EXD3: variants seen among roughly 807,000 people sequenced by gnomAD.
EXD3 encodes the protein exonuclease 3'-5' domain containing 3, also known as exonuclease mut-7 homolog.
In EXD3, 92 loss-of-function variants were observed where a neutral mutation model predicts 98.0. The ratio of observed to expected loss-of-function variants is 0.94; its 90% CI spans 0.79 to 1.12. EXD3 has a LOEUF of 1.12. EXD3 is among the 50% of genes most tolerant of loss of function. The pLI is 0.00. For missense variants in EXD3, 1,222 were observed against 1,191.6 expected (o/e 1.03, Z -0.38); for synonymous variants, 569 against 526.0 (o/e 1.08, Z -1.12).
chr9:137,354,552 C>T (rs1197958206), intron 9 of EXD3, 148 bp downstream of exon 9: 5 of 1,536,820 alleles, frequency 3.3e-6, no homozygotes, highest in Non-Finnish European at 4.4e-6. Context: ...TTCACCCAGG[C>T]CTGGCCCAGC....
intron 17 of EXD3, among the ~76,000 whole-genome samples, chr9:137,330,342 C>G (rs1000125264): frequency 2.4e-5 from 3 of 127,018 alleles, no homozygotes; most frequent in South Asian, 2.7e-4. Context: ...CTACACAGGA[C>G]TACACAGGAC....
At chr9:137,335,114 A>G (rs1186053163) in intron 17 of EXD3, among the ~76,000 whole-genome samples, 1 of 152,008 alleles carries the variant, frequency 6.6e-6, no homozygotes, top group African/African-American at 2.4e-5. Context: ...AAAAACAAAT[A>G]GCCCACAGAA....
chr9:137,396,585 C>T (rs754812599), intron 1 of EXD3, among the ~76,000 whole-genome samples: 9 of 152,168 alleles, frequency 5.9e-5, no homozygotes, highest in East Asian at 1.9e-4. Flanking sequence ...CTGACAGCTC[C>T]GCCCAGGCAG....
At chr9:137,342,910 G>T (rs772984144) in intron 17 of EXD3, among the ~76,000 whole-genome samples, 13 of 152,090 alleles carry the variant, frequency 8.5e-5, no homozygotes, top group Non-Finnish European at 1.9e-4. Context: ...TTACAAGGTC[G>T]GGAGATCGAG....
Position 137,391,946 on chromosome 9 carries a change from T to C in EXD3, c.55+3357A>G, listed in dbSNP as rs577699991. 3.9e-5 allele frequency: 6 copies of C among 152,350 alleles called. No individual in the cohort carries two copies. The East Asian group carries it at 1.2e-3, about 29-fold the overall frequency. 9.4% of individuals were successfully genotyped at this position (152,350 alleles called of 1,614,324 possible). A position where few individuals can be genotyped will look rare whatever the true frequency, so the allele number is the denominator to read the frequency against. On this transcript the variant is annotated intron_variant, in intron 2 of 21. Coordinates refer to ENST00000340951, the MANE Select transcript of EXD3 (RefSeq NM_017820.5). ...TTCTACTGCCTCCAAGCCATTCTCC[T>C]GCCTCAGCCTCCCCAGTAGCTGGGA...
intron 2 of EXD3, among the ~76,000 whole-genome samples, chr9:137,389,806 T>C (rs1836795446): frequency 6.6e-6 from 1 of 152,028 alleles, no homozygotes; most frequent in African/African-American, 2.4e-5. Flanking sequence ...ACAGAAATAT[T>C]GGAAGATGAA....
intron 2 of EXD3, among the ~76,000 whole-genome samples, chr9:137,389,778 G>A (rs996066653): frequency 3.9e-5 from 6 of 152,144 alleles, no homozygotes; most frequent in African/African-American, 1.4e-4. Context: ...ATCTGCTGAA[G>A]AAAAGATCCT....
At chr9:137,367,905 C>A in intron 6 of EXD3, 31 bp downstream of exon 6, 1 of 1,607,574 alleles carries the variant, frequency 6.2e-7, no homozygotes, top group Non-Finnish European at 8.5e-7. Flanking sequence ...CAAGTTTGAA[C>A]CTAAACAATT....
intron 10 of EXD3, chr9:137,354,097 G>A: frequency 7.9e-7 from 1 of 1,263,324 alleles, no homozygotes; most frequent in Non-Finnish European, 1.0e-6. Flanking sequence ...CACGGACGCT[G>A]CCGTCTGCCT....
At chr9:137,377,233 G>C (rs2131698477) in intron 3 of EXD3, 1 of 152,298 alleles carries the variant, frequency 6.6e-6, no homozygotes, top group Admixed American at 6.5e-5. Context: ...CCGATGGCTT[G>C]AGCTCAGGAG....
At chr9:137,355,490 G>GGGAGGAAGGAGA (rs1564508255) in intron 8 of EXD3, among the ~76,000 whole-genome samples, 2 of 27,882 alleles carry the variant, frequency 7.2e-5, no homozygotes, top group Admixed American at 3.5e-4. Flanking sequence ...GAGGAAGGAG[G>GGGAGGAAGGAGA]ATGGAGGAAG....
intron 19 of EXD3, among the ~76,000 whole-genome samples, chr9:137,311,394 C>T (rs190636446): frequency 1.3e-5 from 2 of 152,364 alleles, no homozygotes; most frequent in African/African-American, 4.8e-5. Flanking sequence ...GCCCCACTCT[C>T]CACTGTGCAG....
chr9:137,353,600 G>A (rs1005215573), intron 10 of EXD3: 207 of 985,754 alleles, frequency 2.1e-4, no homozygotes, highest in South Asian at 2.3e-4. Flanking sequence ...CTCCCACCCC[G>A]CAGCCACCGT....
At chr9:137,406,011 G>T (rs1259212478) in intron 1 of EXD3, among the ~76,000 whole-genome samples, 4 of 152,126 alleles carry the variant, frequency 2.6e-5, no homozygotes, top group Non-Finnish European at 4.4e-5. Flanking sequence ...CTTGAGCTCA[G>T]GAGTTTGAGA....
Position 137,330,129 on chromosome 9 carries a change from GCTACACAGGAA to G in EXD3, c.1999-5997_1999-5987del, listed in dbSNP as rs1206007862. On this transcript the variant is annotated intron_variant, in intron 17 of 21. Coordinates refer to ENST00000340951, the MANE Select transcript of EXD3 (RefSeq NM_017820.5). ...GGAGCTACACAGGAGCTACACAGGAGCTACACAGGAACTACACCGGAGCTACACAGGACTAC... is the reference window on the plus strand; with the variant it reads ...GGAGCTACACAGGAGCTACACAGGAGCTACACCGGAGCTACACAGGACTAC... Among the ~76,000 whole-genome samples the G allele has an allele frequency of 2.9e-4, 21 of 72,006 alleles. 2 individuals are homozygous for G. The highest frequency in any genetic ancestry group is 1.5e-3 in the Admixed American group (11 of 7,242). 47.2% of individuals were successfully genotyped at this position (72,006 alleles called of 152,430 possible).
Position 137,325,868 on chromosome 9 carries a change from T to C in EXD3, c.1999-1725A>G, listed in dbSNP as rs539297003. 3.3e-4 allele frequency among the ~76,000 whole-genome samples: 50 copies of C among 152,124 alleles called. 1 individual carries two copies. The Middle Eastern group carries it at 0.01, about 31-fold the overall frequency. On this transcript the variant is annotated intron_variant, in intron 17 of 21. Coordinates refer to ENST00000340951, the MANE Select transcript of EXD3 (RefSeq NM_017820.5). The stretch of plus-strand genomic sequence containing the variant: ...ACTTTGGGAGGCTGCGATGGGTAGA[T>C]TGCTTGAGTCCAGGAGTCCTAGACC...
At position 137,371,541 on chromosome 9, in the gene EXD3, C is replaced by A. The variant is rs146233780; in HGVS notation, c.462+1364G>T. On this transcript the variant is annotated intron_variant, in intron 5 of 21. Transcript: ENST00000340951. The surrounding 1 kb of genome is among the most constrained non-coding windows in gnomAD (Gnocchi z 8.0). ...ACGGCGTCTCAGCAGCAGGGTCCCA[C>A]GTGGGCAGGCAGCGGGGTGGTGGCC... is the stretch of plus-strand genomic sequence containing the variant. Among the ~76,000 whole-genome samples, 1 of 152,062 alleles carries A rather than the reference C, an allele frequency of 6.6e-6. No individual in the cohort carries two copies. The highest frequency in any genetic ancestry group is 1.5e-5 in the Non-Finnish European group (1 of 67,968).
intron 1 of EXD3, among the ~76,000 whole-genome samples, chr9:137,402,107 T>C (rs10115140): frequency 0.31 from 47,068 of 151,704 alleles, 7,399 homozygotes; most frequent in East Asian, 0.33. Context: ...CCTCTGCCTT[T>C]CTGGTTCAAG....
chr9:137,383,753 C>G (rs1279754274), intron 2 of EXD3, among the ~76,000 whole-genome samples: 4 of 152,350 alleles, frequency 2.6e-5, no homozygotes, highest in African/African-American at 9.6e-5. Context: ...CTCACCCAAA[C>G]CCTGCACCGC....
Sources: gnomAD v4.1 joint callset for allele counts (sites outside exome capture counted in the v4.1 genomes callset) on GRCh38, gnomAD v4.1.1 for gene constraint, Gnocchi (gnomAD v3.1) non-coding constraint, MANE v1.5 for transcripts, NCBI Gene and HGNC (gene_info 2026-07-23, HGNC 2026-07-21) for gene names.